LEPROT: variants seen among roughly 807,000 people sequenced by gnomAD.
The protein encoded by LEPROT is leptin receptor overlapping transcript.
A neutral mutation model predicts 15.4 loss-of-function variants in LEPROT; 3 were observed. That is an observed-to-expected ratio of 0.19 (90% confidence interval 0.09 to 0.50). LEPROT has a LOEUF of 0.50. Among genes scored for constraint, LEPROT ranks in the 20% least tolerant of loss-of-function variants. The pLI, the probability that LEPROT is intolerant of heterozygous loss-of-function variation, is 0.97. For missense variants in LEPROT, 137 were observed against 162.2 expected, an observed-to-expected ratio of 0.84 and a Z score of 0.84; for synonymous variants, 59 against 57.5, an observed-to-expected ratio of 1.03 and a Z score of -0.12.
Position 65,434,416 on chromosome 1 carries a change from A to C in LEPROT, c.*2497A>C, listed in dbSNP as rs1043167867. The C allele has an allele frequency of 1.0e-6, 1 of 985,286 alleles. No individual in the cohort carries two copies. The highest frequency in any genetic ancestry group is 1.7e-5 in the African/African-American group (1 of 57,236). 61.0% of individuals were successfully genotyped at this position (985,286 alleles called of 1,614,324 possible). ...CACTTCCAAAATTGGCCACAAGTAA[A>C]TAATCTTATGAAGGGATTCTTTATC... On this transcript the variant is annotated 3_prime_UTR_variant, in exon 4 of 4. Coordinates refer to ENST00000371065, the MANE Select transcript of LEPROT (RefSeq NM_017526.5).
Position 65,434,771 on chromosome 1 carries a change from G to T in LEPROT, c.*2852G>T, listed in dbSNP as rs960086466. The stretch of plus-strand genomic sequence containing the variant: ...AGTTTTGTTCACCTCTCCCAACTGA[G>T]AACCTTCCCACTGGGCTCCATCCTC... On this transcript the variant is annotated 3_prime_UTR_variant, in exon 4 of 4. Coordinates refer to ENST00000371065, the MANE Select transcript of LEPROT (RefSeq NM_017526.5). The T allele has an allele frequency of 5.1e-5, 50 of 985,370 alleles. No individual in the cohort carries two copies. Among genetic ancestry groups the T allele is most frequent in the Non-Finnish European group, 6.0e-5 (50 of 829,964 alleles). The allele number at this position is 985,370 out of a possible 1,614,324, so 61.0% of individuals were successfully genotyped here.
chr1:65,430,848 C>T (rs1383914460), intron 3 of LEPROT, among the ~76,000 whole-genome samples: 3 of 152,060 alleles, frequency 2.0e-5, no homozygotes, highest in African/African-American at 7.2e-5. Flanking sequence ...GATCAGAATG[C>T]CATAGGGGCA....
At chr1:65,422,686 GAC>G (rs984049198) in intron 1 of LEPROT, among the ~76,000 whole-genome samples, 1 of 152,224 alleles carries the variant, frequency 6.6e-6, no homozygotes, top group Non-Finnish European at 1.5e-5. Context: ...GACAGCACGT[GAC>G]ATGGCGCAGG....
chr1:65,431,769 G>A, intron 3 of LEPROT, 34 bp from the exon 4 acceptor site: 2 of 1,595,744 alleles, frequency 1.3e-6, no homozygotes, highest in Non-Finnish European at 1.7e-6. Flanking sequence ...TATGAAGGAA[G>A]TAAGGATTTA....
chr1:65,432,979 A>G lies in LEPROT; in HGVS notation c.*1060A>G. 3 of 985,456 alleles carry G rather than the reference A, an allele frequency of 3.0e-6. No individual in the cohort carries two copies. The highest frequency in any genetic ancestry group is 3.6e-6 in the Non-Finnish European group (3 of 829,934). 61.0% of individuals were successfully genotyped at this position (985,456 alleles called of 1,614,324 possible). A position where few individuals can be genotyped will look rare whatever the true frequency, so the allele number is the denominator to read the frequency against. On this transcript the variant is annotated 3_prime_UTR_variant, in exon 4 of 4. Coordinates refer to ENST00000371065, the MANE Select transcript of LEPROT (RefSeq NM_017526.5). The stretch of plus-strand genomic sequence containing the variant: ...AAAACATACTCTCTCCCCCAAAAAA[A>G]CATCTCAGTGGGGAACAGATGTATC...
Position 65,421,421 on chromosome 1 carries a change from G to A in LEPROT, c.16+681G>A, listed in dbSNP as rs952132589. The A allele has an allele frequency of 2.6e-6, 4 of 1,535,998 alleles. No homozygotes were observed. The African/African-American group carries it at 4.1e-5, about 16-fold the overall frequency. On this transcript the variant is annotated intron_variant, in intron 1 of 3. Coordinates refer to ENST00000371065, the MANE Select transcript of LEPROT (RefSeq NM_017526.5). The stretch of plus-strand genomic sequence containing the variant: ...TATCTGTATGGCTTCAGAGCAATGC[G>A]AGACGGAAAAGGTTTTTTGCAAGGC...
intron 1 of LEPROT, chr1:65,421,390 G>C: frequency 6.5e-7 from 1 of 1,536,054 alleles, no homozygotes; most frequent in Non-Finnish European, 8.7e-7. Context: ...AAAACACCGC[G>C]TCCCTTATCT....
Position 65,435,779 on chromosome 1 carries a change from A to T in LEPROT, c.*3860A>T, listed in dbSNP as rs1557589265. 7 of 980,748 alleles carry T rather than the reference A, an allele frequency of 7.1e-6. No homozygotes were observed. The allele number at this position is 980,748 out of a possible 1,614,324, so 60.8% of individuals were successfully genotyped here. On this transcript the variant is annotated 3_prime_UTR_variant, in exon 4 of 4. Transcript: ENST00000371065. ...ATAGTAATTAGTTCACAACTGAGAA[A>T]TATTATGTCTGTAGTAGATAAATAT...
chr1:65,433,043 T>G lies in LEPROT; in HGVS notation c.*1124T>G, dbSNP rs1570438737. The G allele has an allele frequency of 1.0e-6, 1 of 985,312 alleles. No homozygotes were observed. The highest frequency in any genetic ancestry group is 1.2e-6 in the Non-Finnish European group (1 of 829,828). 61.0% of individuals were successfully genotyped at this position (985,312 alleles called of 1,614,324 possible). Reference sequence around the variant, plus strand: ...GACAATGCTGGGGGAAGAGCTCCACTGAGATGCGGGCAGGGAGGCTGGGCT... The same window carrying G: ...GACAATGCTGGGGGAAGAGCTCCACGGAGATGCGGGCAGGGAGGCTGGGCT... On this transcript the variant is annotated 3_prime_UTR_variant, in exon 4 of 4. Coordinates refer to ENST00000371065, the MANE Select transcript of LEPROT (RefSeq NM_017526.5).
intron 2 of LEPROT, among the ~76,000 whole-genome samples, chr1:65,429,078 A>G (rs866440658): frequency 3.3e-5 from 5 of 152,202 alleles, no homozygotes; most frequent in African/African-American, 1.2e-4. Context: ...GATCAAGACT[A>G]ATCTATCAGA....
intron 2 of LEPROT, among the ~76,000 whole-genome samples, chr1:65,425,949 T>C (rs926912617): frequency 2.6e-5 from 4 of 152,140 alleles, no homozygotes; most frequent in South Asian, 4.1e-4. Context: ...GCTACTGTTA[T>C]GGGAACTAGG....
intron 2 of LEPROT, 30 bp from the exon 3 acceptor site, chr1:65,429,832 T>C: frequency 7.2e-7 from 1 of 1,393,604 alleles, no homozygotes; most frequent in Non-Finnish European, 9.4e-7. Flanking sequence ...TTACTTTTCT[T>C]TTTGGATTTT....
chr1:65,421,186 AT>A, intron 1 of LEPROT: 1 of 823,202 alleles, frequency 1.2e-6, no homozygotes, highest in Admixed American at 3.2e-5. Context: ...TTTCCTAATG[AT>A]TTTTCCAACT....
At chr1:65,429,584 G>A (rs1479823752) in intron 2 of LEPROT, among the ~76,000 whole-genome samples, 1 of 152,110 alleles carries the variant, frequency 6.6e-6, no homozygotes, top group East Asian at 1.9e-4. Context: ...TGTCTTTAAA[G>A]AAATTGTGGC....
At position 65,433,521 on chromosome 1, in the gene LEPROT, A is replaced by G; in HGVS notation, c.*1602A>G. 1.0e-6 allele frequency: 1 copy of G among 985,436 alleles called. No homozygotes were observed. Among genetic ancestry groups the G allele is most frequent in the Non-Finnish European group, 1.2e-6 (1 of 829,920 alleles). 61.0% of individuals were successfully genotyped at this position (985,436 alleles called of 1,614,324 possible). ...TAAAGTATGAAACTGAAATACATTCAAAACACTTAATCCTTGAGGCTTGTG... is the reference window on the plus strand; with the variant it reads ...TAAAGTATGAAACTGAAATACATTCGAAACACTTAATCCTTGAGGCTTGTG... On this transcript the variant is annotated 3_prime_UTR_variant, in exon 4 of 4. Coordinates refer to ENST00000371065, the MANE Select transcript of LEPROT (RefSeq NM_017526.5).
chr1:65,429,507 G>T (rs992220681), intron 2 of LEPROT, among the ~76,000 whole-genome samples: 13 of 152,166 alleles, frequency 8.5e-5, no homozygotes, highest in African/African-American at 3.1e-4. Context: ...GATCTTTACC[G>T]AACTAGCTTT....
Position 65,433,005 on chromosome 1 carries a change from T to C in LEPROT, c.*1086T>C. Reference sequence around the variant, plus strand: ...CATCTCAGTGGGGAACAGATGTATCTTTTCATCTGAAAGACAATGCTGGGG... The same window carrying C: ...CATCTCAGTGGGGAACAGATGTATCCTTTCATCTGAAAGACAATGCTGGGG... On this transcript the variant is annotated 3_prime_UTR_variant, in exon 4 of 4. Coordinates refer to ENST00000371065, the MANE Select transcript of LEPROT (RefSeq NM_017526.5). 1 of 985,410 alleles carries C rather than the reference T, an allele frequency of 1.0e-6. No individual in the cohort carries two copies. The highest frequency in any genetic ancestry group is 1.2e-6 in the Non-Finnish European group (1 of 829,916). 61.0% of individuals were successfully genotyped at this position (985,410 alleles called of 1,614,324 possible).
intron 2 of LEPROT, among the ~76,000 whole-genome samples, chr1:65,428,676 A>G (rs1646426501): frequency 3.3e-5 from 5 of 152,160 alleles, no homozygotes; most frequent in Non-Finnish European, 1.5e-5. Context: ...GTGTGATTAC[A>G]GTATTGTGGT....
chr1:65,426,563 G>T (rs919032478), intron 2 of LEPROT, among the ~76,000 whole-genome samples: 2 of 152,074 alleles, frequency 1.3e-5, no homozygotes, highest in African/African-American at 4.8e-5. Flanking sequence ...TGAGGGCTGG[G>T]GCAGTAGGAA....
Sources: gnomAD v4.1 joint callset for allele counts (sites outside exome capture counted in the v4.1 genomes callset) on GRCh38, gnomAD v4.1.1 for gene constraint, MANE v1.5 for transcripts, NCBI Gene and HGNC (gene_info 2026-07-23, HGNC 2026-07-21) for gene names.